Variants in DNM3 observed in about 807,000 individuals in gnomAD.
DNM3 encodes the protein dynamin-3.
Under a neutral mutation model 101.6 loss-of-function variants are expected in DNM3, and 47 were observed. The observed-to-expected ratio is 0.46, with a 90% CI of 0.37 to 0.59. The LOEUF (loss-of-function observed/expected upper bound fraction) is 0.59, where lower values mean the gene tolerates loss of function less well. DNM3 is among the 20% of genes least tolerant of loss of function. DNM3 has a pLI of 0.00. For synonymous variants in DNM3, 385 were observed against 387.9 expected, an observed-to-expected ratio of 0.99 and a Z score of 0.09; for missense variants, 849 against 1,085.7, an observed-to-expected ratio of 0.78 and a Z score of 3.06.
intron 14 of DNM3, among the ~76,000 whole-genome samples, chr1:172,172,888 C>T (rs2059014441): frequency 6.6e-6 from 1 of 151,862 alleles, no homozygotes; most frequent in Admixed American, 6.6e-5. Flanking sequence ...AGAGTATACA[C>T]TCATTTCCAG....
chr1:171,854,507 T>C (rs901992934), intron 1 of DNM3, among the ~76,000 whole-genome samples: 1 of 151,958 alleles, frequency 6.6e-6, no homozygotes, highest in Non-Finnish European at 1.5e-5. Flanking sequence ...CCTTTTTTTC[T>C]GAGACAAAGT....
At chr1:172,221,030 A>G (rs750873390) in intron 14 of DNM3, among the ~76,000 whole-genome samples, 18 of 151,930 alleles carry the variant, frequency 1.2e-4, no homozygotes, top group African/African-American at 1.5e-4. Flanking sequence ...TTTTCATTCA[A>G]TTTTCTCCTT....
At chr1:172,054,811 T>C (rs1301942173) in intron 10 of DNM3, among the ~76,000 whole-genome samples, 2 of 151,894 alleles carry the variant, frequency 1.3e-5, no homozygotes, top group Non-Finnish European at 2.9e-5. Flanking sequence ...ATACAAAACT[T>C]AGCCAATCAT....
At chr1:172,032,288 G>A in intron 4 of DNM3, 114 bp from the exon 5 acceptor site, 1 of 787,794 alleles carries the variant, frequency 1.3e-6, no homozygotes, top group Non-Finnish European at 2.1e-6. Context: ...TAAGACAGAA[G>A]GAAATGGGAA....
intron 17 of DNM3, among the ~76,000 whole-genome samples, chr1:172,342,781 T>G (rs766135002): frequency 1.9e-4 from 29 of 152,328 alleles, no homozygotes; most frequent in Middle Eastern, 6.8e-3. Context: ...TCTATGACAG[T>G]CTTGTTCTTT....
rs534979966 is a variant in DNM3, at chr1:172,388,010, G to A, written c.2286-563G>A. Among the ~76,000 whole-genome samples the A allele has an allele frequency of 1.1e-4, 17 of 152,270 alleles. No individual in the cohort carries two copies. In the South Asian group the frequency reaches 3.5e-3, roughly 32 times the overall value. On this transcript the variant is annotated intron_variant, in intron 19 of 20. Transcript: ENST00000627582. Reference sequence around the variant, plus strand: ...GCACTTTGGGAGGCCGAGGCAAGCGGATCACCTAAGGTCAGGAGTTTGAGA... The same window carrying A: ...GCACTTTGGGAGGCCGAGGCAAGCGAATCACCTAAGGTCAGGAGTTTGAGA...
chr1:172,307,320 G>A (rs1448822661), intron 15 of DNM3, among the ~76,000 whole-genome samples: 7 of 152,184 alleles, frequency 4.6e-5, no homozygotes, highest in Middle Eastern at 3.4e-3. Flanking sequence ...CAAAAACCAC[G>A]ATGAGATAAC....
chr1:172,025,123 C>T (rs2048108565), intron 4 of DNM3, among the ~76,000 whole-genome samples: 5 of 152,318 alleles, frequency 3.3e-5, no homozygotes, highest in African/African-American at 7.2e-5. Flanking sequence ...TGGGGAGGGG[C>T]GTCTGCCATT....
chr1:171,914,436 C>T (rs1387880731), intron 1 of DNM3, among the ~76,000 whole-genome samples: 6 of 152,178 alleles, frequency 3.9e-5, no homozygotes, highest in South Asian at 4.1e-4. Context: ...GGATTACAGG[C>T]GTGAGCCACC....
chr1:172,413,487 A>G (rs921621970), downstream of DNM3, among the ~76,000 whole-genome samples: 2 of 152,138 alleles, frequency 1.3e-5, no homozygotes, highest in African/African-American at 4.8e-5. Context: ...TCGGCTTCCC[A>G]AAGTGCTGGG....
intron 1 of DNM3, among the ~76,000 whole-genome samples, chr1:171,854,618 T>A (rs1370669395): frequency 6.6e-6 from 1 of 152,164 alleles, no homozygotes; most frequent in Non-Finnish European, 1.5e-5. Flanking sequence ...CTGGTTTACA[T>A]GAAATCTTTC....
chr1:171,942,620 C>T (rs755617319), intron 2 of DNM3, among the ~76,000 whole-genome samples: 5 of 151,958 alleles, frequency 3.3e-5, no homozygotes, highest in African/African-American at 4.8e-5. Context: ...GGGCAAGACA[C>T]GCAATAAACA....
intron 14 of DNM3, among the ~76,000 whole-genome samples, chr1:172,169,650 T>G (rs1289421507): frequency 3.9e-5 from 6 of 151,938 alleles, no homozygotes; most frequent in African/African-American, 1.4e-4. Context: ...TTACTAGAAT[T>G]AATAATAACC....
intron 14 of DNM3, among the ~76,000 whole-genome samples, chr1:172,222,686 T>G (rs930398773): frequency 1.3e-5 from 2 of 152,012 alleles, no homozygotes; most frequent in Non-Finnish European, 2.9e-5. Context: ...TATTTAGGGG[T>G]TTGTTTTGTT....
intron 7 of DNM3, among the ~76,000 whole-genome samples, chr1:172,040,197 T>C (rs2049270811): frequency 6.6e-6 from 1 of 152,042 alleles, no homozygotes; most frequent in Non-Finnish European, 1.5e-5. Flanking sequence ...TTCTGAAAAA[T>C]TTTTCATGTT....
At chr1:172,093,781 G>A in intron 13 of DNM3, 3 of 1,554,558 alleles carry the variant, frequency 1.9e-6, no homozygotes, top group Non-Finnish European at 1.7e-6. Flanking sequence ...CTTCCCAAGG[G>A]CACAGTTTGT....
rs1193126384 is a variant in DNM3 at position 171,841,676 on chromosome 1, A to G, written c.20A>G (p.Glu7Gly). 1.2e-6 allele frequency: 2 copies of G among 1,611,422 alleles called. No homozygotes were observed. Among genetic ancestry groups the G allele is most frequent in the Non-Finnish European group, 1.7e-6 (2 of 1,179,168 alleles). Reference sequence around the variant, plus strand: ...GGCAAGATGGGGAACCGGGAGATGGAGGAGCTGATCCCGCTGGTGAACCGT... The same window carrying G: ...GGCAAGATGGGGAACCGGGAGATGGGGGAGCTGATCCCGCTGGTGAACCGT... Reference protein sequence around the residue: MGNREMEELIPLVNRLQ... With the variant: MGNREMGELIPLVNRLQ... Residue 7 changes from glutamate to glycine, a missense_variant, in exon 1 of 21, where the codon GAG (glutamate) becomes GGG (glycine). By Grantham distance (98) the Glu-to-Gly change is moderately conservative. This residue lies in a region of DNM3 where 388 missense variants were observed against 483.0 expected (regional missense o/e 0.80). Coordinates refer to ENST00000627582, the MANE Select transcript of DNM3 (RefSeq NM_015569.5).
chr1:172,256,996 T>C (rs2062430611), intron 15 of DNM3, among the ~76,000 whole-genome samples: 1 of 151,934 alleles, frequency 6.6e-6, no homozygotes, highest in Non-Finnish European at 1.5e-5. Context: ...CTAACTTAAT[T>C]GTATTGTGAC....
At chr1:172,205,034 A>T (rs1388713405) in intron 14 of DNM3, among the ~76,000 whole-genome samples, 1 of 152,178 alleles carries the variant, frequency 6.6e-6, no homozygotes, top group Non-Finnish European at 1.5e-5. Flanking sequence ...CATTTAGTAA[A>T]GACATTGTTC....
Sources: allele counts gnomAD v4.1 joint callset (sites outside exome capture counted in the v4.1 genomes callset), GRCh38; gene constraint gnomAD v4.1.1; regional missense constraint gnomAD v4.1.1; transcripts MANE v1.5; gene names NCBI Gene and HGNC (gene_info 2026-07-23, HGNC 2026-07-21).